The following PCDHGA3 variants were observed in gnomAD, a reference collection of about 807,000 sequenced individuals.
PCDHGA3 encodes the protein protocadherin gamma-A3.
PCDHGA3 carries 40 observed loss-of-function variants against 58.5 expected under a neutral mutation model. The ratio of observed to expected loss-of-function variants is 0.68; its 90% CI spans 0.53 to 0.89. The LOEUF is 0.89. Among genes scored for constraint, PCDHGA3 ranks in the 40% least tolerant of loss-of-function variants. PCDHGA3 has a pLI of 0.00. For synonymous variants in PCDHGA3, 530 were observed against 525.7 expected (o/e 1.01, Z -0.11); for missense variants, 1,223 against 1,195.9 (o/e 1.02, Z -0.33).
chr5:141,395,053 A>T (rs1210765378), intron 1 of PCDHGA3: 1 of 1,614,062 alleles, frequency 6.2e-7, no homozygotes, highest in East Asian at 2.2e-5. Context: ...GAGGAGGTAC[A>T]GGCTTTCCTG....
chr5:141,389,264 C>T, intron 1 of PCDHGA3: 1 of 1,614,018 alleles, frequency 6.2e-7, no homozygotes, highest in South Asian at 1.1e-5. Flanking sequence ...TCCACGTGGC[C>T]GAGAACAACC....
intron 1 of PCDHGA3, among the ~76,000 whole-genome samples, chr5:141,468,754 T>C (rs1205525962): frequency 6.6e-6 from 1 of 152,036 alleles, no homozygotes; most frequent in Admixed American, 6.6e-5. Flanking sequence ...TAGTCCCAGC[T>C]ACTCGGGAGG....
chr5:141,446,757 G>A (rs769049265), intron 1 of PCDHGA3, among the ~76,000 whole-genome samples: 10 of 152,158 alleles, frequency 6.6e-5, no homozygotes, highest in African/African-American at 1.4e-4. Context: ...GTGAGCCACC[G>A]CGCCCAGCCG....
In PCDHGA3 at chr5:141,352,156, C is replaced by T. The variant is rs772470884; in HGVS notation, c.2424+5699C>T. ...CAGCGCGTGCCTTGGGCGACAGGGACGCGGCCCGCCAGCGCCTGCTGGTCG... is the reference window on the plus strand; with the variant it reads ...CAGCGCGTGCCTTGGGCGACAGGGATGCGGCCCGCCAGCGCCTGCTGGTCG... On this transcript the variant is annotated intron_variant, in intron 1 of 3. Coordinates refer to ENST00000253812, the MANE Select transcript of PCDHGA3 (RefSeq NM_018916.4). 19 of 1,612,702 alleles carry T rather than the reference C, an allele frequency of 1.2e-5. No individual in the cohort carries two copies. The South Asian group carries it at 2.1e-4, about 18-fold the overall frequency.
chr5:141,427,883 C>G (rs2097084423), intron 1 of PCDHGA3: 3 of 1,563,818 alleles, frequency 1.9e-6, no homozygotes, highest in Non-Finnish European at 1.7e-6. Flanking sequence ...TGCAGGCCCA[C>G]GACCAGGGCT....
chr5:141,405,295 C>T lies in PCDHGA3; in HGVS notation c.2424+58838C>T, dbSNP rs192426924. On this transcript the variant is annotated intron_variant, in intron 1 of 3. Transcript: ENST00000253812. ...CCAACTATGCAGACACACTCATCAG[C>T]CAGCAGAGCTGTGAGAAAAATGAGC... 26 of 1,614,180 alleles carry T rather than the reference C, an allele frequency of 1.6e-5. No individual in the cohort carries two copies. In the East Asian group the frequency reaches 4.0e-4, roughly 25 times the overall value.
In PCDHGA3 at chr5:141,491,762, C is replaced by T. The variant is rs1162878124; in HGVS notation, c.2425-3045C>T. The T allele has an allele frequency of 6.4e-7, 1 of 1,572,596 alleles. No homozygotes were observed. The highest frequency in any genetic ancestry group is 1.4e-5 in the African/African-American group (1 of 73,308). ...GGCGGCACTGGAGAAGCCGCCCGTC[C>T]TCATAAGGGATTGAACTTGCATCCA... On this transcript the variant is annotated intron_variant, in intron 1 of 3. Transcript: ENST00000253812. The surrounding 1 kb of genome is among the most constrained non-coding windows in gnomAD (Gnocchi z 6.9).
At chr5:141,347,180 T>TTTCTTTCTTTCTTTCTTTCTTTCC (rs1757924736) in intron 1 of PCDHGA3, among the ~76,000 whole-genome samples, 1 of 147,950 alleles carries the variant, frequency 6.8e-6, no homozygotes, top group Non-Finnish European at 1.5e-5. Context: ...TCTTTCTTTC[T>TTTCTTTCTTTCTTTCTTTCTTTCC]TGACAGGGTC....
intron 2 of PCDHGA3, 50 bp from the exon 3 acceptor site, chr5:141,505,343 G>A: frequency 1.9e-6 from 3 of 1,612,934 alleles, no homozygotes; most frequent in Non-Finnish European, 2.5e-6. Flanking sequence ...GGAGGGGCAT[G>A]AGCTGTGCCG....
At chr5:141,418,563 C>A (rs2096269554) in intron 1 of PCDHGA3, 2 of 1,613,998 alleles carry the variant, frequency 1.2e-6, no homozygotes, top group Non-Finnish European at 1.7e-6. Context: ...GTAATAGATG[C>A]CAATGACAAC....
intron 1 of PCDHGA3, among the ~76,000 whole-genome samples, chr5:141,381,826 C>CTTCT (rs1777532522): frequency 2.0e-4 from 15 of 74,296 alleles, no homozygotes; most frequent in South Asian, 5.2e-4. Context: ...CTTTCTTCTT[C>CTTCT]TTTTTTTTTT....
intron 1 of PCDHGA3, among the ~76,000 whole-genome samples, chr5:141,454,796 A>ATTTTTTTTTTTTTTTTTTTTTT (rs61612330): frequency 5.2e-5 from 4 of 77,456 alleles, no homozygotes; most frequent in Non-Finnish European, 7.0e-5. Context: ...CATGGTTCTA[A>ATTTTTTTTTTTTTTTTTTTTTT]TTTTTTTTTT....
intron 1 of PCDHGA3, chr5:141,374,688 G>C (rs750510871): frequency 1.9e-6 from 3 of 1,609,410 alleles, no homozygotes; most frequent in Admixed American, 1.7e-5. Flanking sequence ...ACACTGGACC[G>C]GGAAGGAGAA....
At chr5:141,389,582 T>C (rs1266016569) in intron 1 of PCDHGA3, 2 of 1,613,146 alleles carry the variant, frequency 1.2e-6, no homozygotes, top group Non-Finnish European at 1.7e-6. Context: ...CCGCGCTGGG[T>C]CCCGACGGCT....
chr5:141,403,969 T>C (rs1437416293), intron 1 of PCDHGA3: 2 of 1,613,808 alleles, frequency 1.2e-6, no homozygotes, highest in Non-Finnish European at 1.7e-6. Context: ...CGGTGGAAGA[T>C]GTAAATGACA....
chr5:141,360,233 T>C lies in PCDHGA3; in HGVS notation c.2424+13776T>C, dbSNP rs770644210. ...TTCCCCGGGGCTCTCCCAGTCCAGA[T>C]CCGCTATTCAATTCCAGAGGAGCTG... On this transcript the variant is annotated intron_variant, in intron 1 of 3. Transcript: ENST00000253812. 1.9e-6 allele frequency: 3 copies of C among 1,613,862 alleles called. No individual in the cohort carries two copies. The highest frequency in any genetic ancestry group is 1.7e-5 in the Admixed American group (1 of 60,000).
At position 141,431,365 on chromosome 5, in the gene PCDHGA3, C is replaced by T. The variant is rs2097365932; in HGVS notation, c.2425-63442C>T. ...TGGTGCTGAAACGCGCCCTGGACCG[C>T]GAAGAAAAGGCTGCTCACCACCTGG... On this transcript the variant is annotated intron_variant, in intron 1 of 3. Coordinates refer to ENST00000253812, the MANE Select transcript of PCDHGA3 (RefSeq NM_018916.4). The surrounding 1 kb of genome is among the most constrained non-coding windows in gnomAD (Gnocchi z 4.8). 6 of 1,613,980 alleles carry T rather than the reference C, an allele frequency of 3.7e-6. No homozygotes were observed. Among genetic ancestry groups the T allele is most frequent in the Non-Finnish European group, 5.1e-6 (6 of 1,180,028 alleles).
intron 1 of PCDHGA3, chr5:141,356,076 T>G (rs772050180): frequency 1.2e-6 from 2 of 1,613,914 alleles, no homozygotes; most frequent in South Asian, 2.2e-5. Flanking sequence ...CACAGCTATT[T>G]CAGTTGAATT....
In PCDHGA3 at chr5:141,403,434, A is replaced by C. The variant is rs774605332; in HGVS notation, c.2424+56977A>C. On this transcript the variant is annotated intron_variant, in intron 1 of 3. Transcript: ENST00000253812. ...CCACTTCCAGAAGCTATTGATCCGGATGTTGGCGTGAACTCCCTCCAGAGC... is the reference window on the plus strand; with the variant it reads ...CCACTTCCAGAAGCTATTGATCCGGCTGTTGGCGTGAACTCCCTCCAGAGC... The C allele has an allele frequency of 1.9e-6, 3 of 1,614,024 alleles. No individual in the cohort carries two copies. In the South Asian group the frequency reaches 3.3e-5, roughly 18 times the overall value.
Sources: gnomAD v4.1 joint callset for allele counts (sites outside exome capture counted in the v4.1 genomes callset) on GRCh38, gnomAD v4.1.1 for gene constraint, Gnocchi (gnomAD v3.1) non-coding constraint, MANE v1.5 for transcripts, NCBI Gene and HGNC (gene_info 2026-07-23, HGNC 2026-07-21) for gene names.